The following ZNF837 variants were observed in gnomAD, a reference collection of about 807,000 sequenced individuals.
ZNF837 encodes zinc finger protein 837.
For synonymous variants in ZNF837, 475 were observed against 365.2 expected (o/e 1.30, Z -3.43); for missense variants, 955 against 801.7 (o/e 1.19, Z -2.31).
At chr19:58,371,551 C>G (rs774318058) in intron 1 of ZNF837, among the ~76,000 whole-genome samples, 1 of 152,210 alleles carries the variant, frequency 6.6e-6, no homozygotes, top group African/African-American at 2.4e-5. Context: ...TCCAGCACAG[C>G]CTTTAGACTC....
In ZNF837 at chr19:58,368,806, G is replaced by C; in HGVS notation, c.527C>G (p.Ala176Gly). The stretch of plus-strand genomic sequence containing the variant: ...CTTTGGGGTCCTCGGGCAGGTCGGA[G>C]CGCCAGTCCCTGGTTGGCACGGCCA... ...DCWPCQPGTG[A>G]PTCPRTPKPT... is the part of the protein sequence containing the mutation. The change falls in exon 3 of 3, where the codon GCT becomes GGT. Residue 176 changes from alanine to glycine, a missense_variant. By Grantham distance (60) the Ala-to-Gly change is moderately conservative. Coordinates refer to ENST00000597582, the MANE Select transcript of ZNF837 (RefSeq NM_138466.2). 2 of 1,545,704 alleles carry C rather than the reference G, an allele frequency of 1.3e-6. No individual in the cohort carries two copies. Among genetic ancestry groups the C allele is most frequent in the Non-Finnish European group, 1.7e-6 (2 of 1,146,662 alleles).
At chr19:58,374,943 A>AT (rs2052229104) in intron 1 of ZNF837, among the ~76,000 whole-genome samples, 1 of 127,726 alleles carries the variant, frequency 7.8e-6, no homozygotes, top group African/African-American at 3.1e-5. Context: ...AAAAAAAAAA[A>AT]ATTATATATA....
chr19:58,374,563 A>AGTTTT (rs542810908), intron 1 of ZNF837, among the ~76,000 whole-genome samples: 297 of 152,122 alleles, frequency 2.0e-3, no homozygotes, highest in African/African-American at 6.7e-3. Flanking sequence ...ACGGGTATCA[A>AGTTTT]GTTTTGGGGT....
intron 1 of ZNF837, among the ~76,000 whole-genome samples, chr19:58,372,953 C>T (rs184814441): frequency 5.8e-4 from 89 of 152,304 alleles, no homozygotes; most frequent in Admixed American, 1.7e-3. Context: ...AAGGGTTCAG[C>T]AAGTACCAGT....
In ZNF837 at chr19:58,369,201, G is replaced by T. The variant is rs1198746848; in HGVS notation, c.132C>A (p.Pro44=). The change falls in exon 3 of 3, where the codon CCC becomes CCA. Residue 44 remains proline, a synonymous_variant. Coordinates refer to ENST00000597582, the MANE Select transcript of ZNF837 (RefSeq NM_138466.2). The part of the protein sequence containing the change: ...PLEEDRAGSR[P]TQKGDLRGAA... ...CTCCACGCAGGTCCCCCTTTTGAGT[G>T]GGGCGGCTCCCAGCTCGGTCCTCTT... 6.9e-7 allele frequency: 1 copy of T among 1,446,578 alleles called. No homozygotes were observed. The highest frequency in any genetic ancestry group is 9.1e-7 in the Non-Finnish European group (1 of 1,101,542). 89.6% of individuals were successfully genotyped at this position (1,446,578 alleles called of 1,614,324 possible).
rs1352289579 is a variant in ZNF837, at chr19:58,369,020, G to C, written c.313C>G (p.Pro105Ala). The C allele has an allele frequency of 2.6e-6, 4 of 1,514,532 alleles. No homozygotes were observed. The highest frequency in any genetic ancestry group is 1.8e-4 in the Middle Eastern group (1 of 5,498). 93.8% of individuals were successfully genotyped at this position (1,514,532 alleles called of 1,614,324 possible). Reference sequence around the variant, plus strand: ...CCCTCCCGGGCTTGCAGCCCCTCGGGGATAACCAGCTCAGGGTTCTGAGAA... The same window carrying C: ...CCCTCCCGGGCTTGCAGCCCCTCGGCGATAACCAGCTCAGGGTTCTGAGAA... ...TSSQNPELVI[P>A]EGLQAREGPC... Residue 105 changes from proline (P) to alanine (A), a missense_variant, in exon 3 of 3, where the codon CCC becomes GCC. Transcript: ENST00000597582.
Position 58,375,270 on chromosome 19 carries a change from GTATATATATATATATATATATATA to G in ZNF837, c.-139-5366_-139-5343del, listed in dbSNP as rs58582835. Among the ~76,000 whole-genome samples the G allele has an allele frequency of 3.8e-3, 133 of 34,870 alleles. 1 individual carries two copies. Among genetic ancestry groups the G allele is most frequent in the East Asian group, 0.015 (41 of 2,768 alleles). 22.9% of individuals were successfully genotyped at this position (34,870 alleles called of 152,430 possible). A position where few individuals can be genotyped will look rare whatever the true frequency, so the allele number is the denominator to read the frequency against. ...GAATCTGTCTCAAAAAAAAAAAAAA[GTATATATATATATATATATATATA>G]TATATATATATATATATAAAATTAC... is the stretch of plus-strand genomic sequence containing the variant. On this transcript the variant is annotated intron_variant, in intron 1 of 2. Coordinates refer to ENST00000597582, the MANE Select transcript of ZNF837 (RefSeq NM_138466.2).
chr19:58,371,291 C>G (rs1032026263), intron 1 of ZNF837, among the ~76,000 whole-genome samples: 3 of 151,342 alleles, frequency 2.0e-5, no homozygotes, highest in Admixed American at 6.6e-5. Flanking sequence ...GCCTGTAGTC[C>G]CAGCTACTCA....
intron 2 of ZNF837, 110 bp from the exon 3 acceptor site, chr19:58,369,471 G>C (rs1225378197): frequency 1.8e-5 from 16 of 908,368 alleles, no homozygotes; most frequent in Non-Finnish European, 2.2e-5. Flanking sequence ...GCGGCCCCCA[G>C]CTCTCTGCAG....
At chr19:58,374,744 G>T (rs2052227562) in intron 1 of ZNF837, among the ~76,000 whole-genome samples, 1 of 152,074 alleles carries the variant, frequency 6.6e-6, no homozygotes, top group Admixed American at 6.6e-5. Flanking sequence ...GACCAGCCTG[G>T]CCAAAATGTC....
intron 2 of ZNF837, 21 bp from the exon 3 acceptor site, chr19:58,369,382 T>C (rs2052179682): frequency 1.5e-6 from 2 of 1,320,234 alleles, no homozygotes; most frequent in Non-Finnish European, 1.9e-6. Flanking sequence ...AGAGAAGAAA[T>C]GGAGGTTGGC....
rs370887708 is a variant in ZNF837, at chr19:58,368,424, C to T, written c.909G>A (p.Glu303=). 1.9e-6 allele frequency: 3 copies of T among 1,551,966 alleles called. No individual in the cohort carries two copies. The highest frequency in any genetic ancestry group is 2.6e-6 in the Non-Finnish European group (3 of 1,151,048). Residue 303 remains glutamate, a synonymous_variant, in exon 3 of 3, where the codon GAG becomes GAA. Coordinates refer to ENST00000597582, the MANE Select transcript of ZNF837 (RefSeq NM_138466.2). ...HTGERPYECA[E]CGKAFVRCSG... ...AGCAGCGCACGAAGGCCTTGCCGCACTCGGCGCACTCGTAGGGCCGCTCGC... is the reference window on the plus strand; with the variant it reads ...AGCAGCGCACGAAGGCCTTGCCGCATTCGGCGCACTCGTAGGGCCGCTCGC...
At position 58,368,192 on chromosome 19, in the gene ZNF837, G is replaced by T; in HGVS notation, c.1141C>A (p.His381Asn). 1 of 1,570,356 alleles carries T rather than the reference G, an allele frequency of 6.4e-7. No homozygotes were observed. Reference sequence around the variant, plus strand: ...TTCTCGCCGGTGTGCACGCGCCGGTGCTCCACGAGGTGCGAGAACAGCCCG... The same window carrying T: ...TTCTCGCCGGTGTGCACGCGCCGGTTCTCCACGAGGTGCGAGAACAGCCCG... ...AFGLFSHLVE[H>N]RRVHTGEKPY... Residue 381 changes from histidine to asparagine, a missense_variant, in exon 3 of 3, where the codon CAC becomes AAC. Coordinates refer to ENST00000597582, the MANE Select transcript of ZNF837 (RefSeq NM_138466.2).
At chr19:58,372,067 A>G (rs1323976370) in intron 1 of ZNF837, among the ~76,000 whole-genome samples, 1 of 148,264 alleles carries the variant, frequency 6.7e-6, no homozygotes, top group Non-Finnish European at 1.5e-5. Context: ...ATTTTTATTT[A>G]TTTAGAGACA....
At position 58,380,936 on chromosome 19, in the gene ZNF837, C is replaced by T. The variant is rs1018662666; in HGVS notation, c.-140+5G>A. On this transcript the variant is annotated splice_donor_5th_base_variant and intron_variant, in intron 1 of 2. Transcript: ENST00000597582. Reference sequence around the variant, plus strand: ...GGTTGCGGGTCCGCGCAGAATGCCACTTACTCTCTGGAGGCGGCCCGCACG... The same window carrying T: ...GGTTGCGGGTCCGCGCAGAATGCCATTTACTCTCTGGAGGCGGCCCGCACG... 1 of 144,540 alleles carries T rather than the reference C, an allele frequency of 6.9e-6. No homozygotes were observed. Among genetic ancestry groups the T allele is most frequent in the Admixed American group, 6.9e-5 (1 of 14,446 alleles). The allele number at this position is 144,540 out of a possible 1,614,324, so 9.0% of individuals were successfully genotyped here. A position where few individuals can be genotyped will look rare whatever the true frequency, so the allele number is the denominator to read the frequency against.
intron 1 of ZNF837, among the ~76,000 whole-genome samples, chr19:58,375,385 A>G (rs1434442934): frequency 1.4e-5 from 2 of 148,000 alleles, no homozygotes; most frequent in East Asian, 3.9e-4. Flanking sequence ...TATATACTAA[A>G]ACCCAACCTG....
At position 58,367,747 on chromosome 19, in the gene ZNF837, G is replaced by A; in HGVS notation, c.1586C>T (p.Ala529Val). Residue 529 changes from alanine (A) to valine (V), a missense_variant, in exon 3 of 3, where the codon GCC becomes GTC. By Grantham distance (64) the Ala-to-Val change is moderately conservative. Transcript: ENST00000597582. ...NEHRKRHGGR[A>V]AP ...CTCGGCTCCCTGCAGTCAAGGCGCG[G>A]CGCGGCCCCCGTGCCGCTTCCGGTG... The A allele has an allele frequency of 6.6e-7, 1 of 1,525,830 alleles. No homozygotes were observed. The allele number at this position is 1,525,830 out of a possible 1,614,324, so 94.5% of individuals were successfully genotyped here. A position where few individuals can be genotyped will look rare whatever the true frequency, so the allele number is the denominator to read the frequency against.
chr19:58,375,118 G>A (rs1249150614), intron 1 of ZNF837, among the ~76,000 whole-genome samples: 2 of 147,906 alleles, frequency 1.4e-5, no homozygotes, highest in Non-Finnish European at 3.0e-5. Context: ...AATTAGCCAG[G>A]TGTGGTGGCA....
At chr19:58,374,281 A>G (rs2052223879) in intron 1 of ZNF837, among the ~76,000 whole-genome samples, 2 of 152,358 alleles carry the variant, frequency 1.3e-5, no homozygotes, top group Admixed American at 6.5e-5. Context: ...AAATGGAGAA[A>G]CAAGCCAAGT....
Sources: allele counts gnomAD v4.1 joint callset (sites outside exome capture counted in the v4.1 genomes callset), GRCh38; gene constraint gnomAD v4.1.1; transcripts MANE v1.5; gene names NCBI Gene and HGNC (gene_info 2026-07-23, HGNC 2026-07-21).